Variants in DNMBP observed in about 807,000 individuals in gnomAD.
DNMBP encodes dynamin-binding protein.
In DNMBP, 87 loss-of-function variants were observed where a neutral mutation model predicts 150.0. The observed-to-expected ratio is 0.58, with a 90% CI of 0.49 to 0.69. The LOEUF (loss-of-function observed/expected upper bound fraction) is 0.69, where lower values mean the gene tolerates loss of function less well. Ranked by LOEUF, DNMBP falls within the 30% of genes least tolerant of loss-of-function variation. The pLI is 0.00. For synonymous variants in DNMBP, 711 were observed against 750.4 expected, an observed-to-expected ratio of 0.95 and a Z score of 0.86; for missense variants, 1,774 against 1,949.0, an observed-to-expected ratio of 0.91 and a Z score of 1.69.
intron 1 of DNMBP, among the ~76,000 whole-genome samples, chr10:99,980,446 C>CAAAA (rs35133099): frequency 8.5e-6 from 1 of 118,182 alleles, no homozygotes; most frequent in Non-Finnish European, 1.8e-5. Context: ...GACTCCGTCT[C>CAAAA]AAAAAAAAAA....
At chr10:99,898,616 A>G (rs2039694419) in intron 8 of DNMBP, 127 bp downstream of exon 8, 1 of 1,023,482 alleles carries the variant, frequency 9.8e-7, no homozygotes, top group Non-Finnish European at 1.5e-6. Context: ...GCTACGAAAG[A>G]AAACCCAGCA....
chr10:99,953,924 G>A (rs1391973370), intron 4 of DNMBP, among the ~76,000 whole-genome samples: 1 of 152,138 alleles, frequency 6.6e-6, no homozygotes, highest in Non-Finnish European at 1.5e-5. Context: ...AATGGAGCCT[G>A]ATTAAAGAAA....
At chr10:99,946,139 G>A (rs11190335) in intron 4 of DNMBP, among the ~76,000 whole-genome samples, 47,703 of 151,960 alleles carry the variant, frequency 0.31, 9,176 homozygotes, top group Non-Finnish European at 0.42. Flanking sequence ...TGTATTTTTA[G>A]TAGAGACAGG....
intron 1 of DNMBP, among the ~76,000 whole-genome samples, chr10:99,994,559 C>T (rs1042354389): frequency 5.9e-5 from 9 of 152,108 alleles, no homozygotes; most frequent in African/African-American, 1.9e-4. Flanking sequence ...ACCAGGACAA[C>T]GCAATTGACG....
At chr10:99,941,704 G>A (rs974690584) in intron 4 of DNMBP, among the ~76,000 whole-genome samples, 2 of 152,132 alleles carry the variant, frequency 1.3e-5, no homozygotes, top group African/African-American at 4.8e-5. Context: ...CTGACCTCAG[G>A]TGATCCGCCC....
intron 4 of DNMBP, among the ~76,000 whole-genome samples, chr10:99,951,146 C>T (rs796256964): frequency 5.9e-5 from 9 of 152,362 alleles, no homozygotes; most frequent in African/African-American, 1.9e-4. Flanking sequence ...AGGGTGCAAG[C>T]CCCAAGCCTT....
intron 4 of DNMBP, among the ~76,000 whole-genome samples, chr10:99,918,564 T>G (rs1020606258): frequency 2.1e-4 from 27 of 126,590 alleles, no homozygotes; most frequent in African/African-American, 8.4e-4. Flanking sequence ...ATTACAGGAG[T>G]CTGCAACTTC....
At chr10:99,976,503 C>T (rs528990762) in intron 1 of DNMBP, among the ~76,000 whole-genome samples, 15 of 152,294 alleles carry the variant, frequency 9.8e-5, no homozygotes, top group East Asian at 3.9e-4. Flanking sequence ...AACTTTTCCA[C>T]GCCCTTGCTA....
chr10:99,932,280 C>T (rs2133288954), intron 4 of DNMBP, among the ~76,000 whole-genome samples: 1 of 152,294 alleles, frequency 6.6e-6, no homozygotes, highest in Non-Finnish European at 1.5e-5. Flanking sequence ...TGGGTAACTA[C>T]TAATTCTCTC....
At chr10:99,926,468 G>A (rs1029542708) in intron 4 of DNMBP, among the ~76,000 whole-genome samples, 2 of 152,138 alleles carry the variant, frequency 1.3e-5, no homozygotes, top group African/African-American at 4.8e-5. Flanking sequence ...AAAGCAGGCA[G>A]AATTTGGAGG....
At chr10:99,943,322 T>G (rs1235360518) in intron 4 of DNMBP, among the ~76,000 whole-genome samples, 1 of 152,106 alleles carries the variant, frequency 6.6e-6, no homozygotes, top group Non-Finnish European at 1.5e-5. Context: ...ACAGAATGAT[T>G]TGGCTATTTA....
chr10:99,883,909 A>C, intron 15 of DNMBP, 102 bp downstream of exon 15: 1 of 1,003,496 alleles, frequency 1.0e-6, no homozygotes, highest in Non-Finnish European at 1.5e-6. Context: ...TTAATCAAAG[A>C]TACTTTTTGC....
At chr10:99,964,744 A>G (rs1589441959) in intron 3 of DNMBP, among the ~76,000 whole-genome samples, 1 of 151,614 alleles carries the variant, frequency 6.6e-6, no homozygotes, top group African/African-American at 2.4e-5. Flanking sequence ...GGTGGCACAC[A>G]CCTGTAATCC....
At position 99,879,835 on chromosome 10, in the gene DNMBP, A is replaced by G. The variant is rs2039335082; in HGVS notation, c.4524T>C (p.Asp1508=). The change falls in exon 16 of 17, where the codon GAT becomes GAC. Residue 1508 remains aspartate (D), a synonymous_variant. Coordinates refer to ENST00000324109, the MANE Select transcript of DNMBP (RefSeq NM_015221.4). ...CCTGGTTGCCTTCTGCCTCACTGCC[A>G]TCTGGCTCTGTACTTCTGTCTTCCG... is the stretch of plus-strand genomic sequence containing the variant. ...QAPEDRSTEP[D]GSEAEGNQVY... is the part of the protein sequence containing the mutation. 3 of 1,614,202 alleles carry G rather than the reference A, an allele frequency of 1.9e-6. No individual in the cohort carries two copies. The highest frequency in any genetic ancestry group is 1.7e-6 in the Non-Finnish European group (2 of 1,180,030).
intron 4 of DNMBP, among the ~76,000 whole-genome samples, chr10:99,933,759 C>T (rs2040188292): frequency 6.6e-6 from 1 of 152,156 alleles, no homozygotes; most frequent in African/African-American, 2.4e-5. Flanking sequence ...TTTTTTGAGA[C>T]GGAGTCTCGC....
intron 14 of DNMBP, among the ~76,000 whole-genome samples, chr10:99,884,457 C>G (rs947595919): frequency 1.3e-5 from 2 of 152,060 alleles, no homozygotes; most frequent in African/African-American, 4.8e-5. Flanking sequence ...CATTTGTTTT[C>G]TTGTGACAAA....
chr10:99,880,357 G>T lies in DNMBP; in HGVS notation c.4002C>A (p.Thr1334=). Residue 1334 remains threonine, a synonymous_variant, in exon 16 of 17, where the codon ACC becomes ACA. Coordinates refer to ENST00000324109, the MANE Select transcript of DNMBP (RefSeq NM_015221.4). ...GGAAAGAGCTGTACACGAAGCCTTT[G>T]GTGACTACAAAGGAAACAGGAAATA... ...QNRWLIDNGV[T]KGFVYSSFLK... 1 of 1,583,240 alleles carries T rather than the reference G, an allele frequency of 6.3e-7. No homozygotes were observed.
At chr10:99,966,237 T>C (rs1000900787) in intron 3 of DNMBP, among the ~76,000 whole-genome samples, 2 of 152,196 alleles carry the variant, frequency 1.3e-5, no homozygotes, top group African/African-American at 4.8e-5. Context: ...TTACTGGCAG[T>C]AGATTATCAC....
intron 3 of DNMBP, among the ~76,000 whole-genome samples, chr10:99,961,367 C>T (rs538127111): frequency 4.8e-4 from 66 of 137,330 alleles, no homozygotes; most frequent in Non-Finnish European, 7.0e-4. Context: ...CTTGACCACC[C>T]GGGCTCAACT....
Sources: allele counts gnomAD v4.1 joint callset (sites outside exome capture counted in the v4.1 genomes callset), GRCh38; gene constraint gnomAD v4.1.1; transcripts MANE v1.5; gene names NCBI Gene and HGNC (gene_info 2026-07-23, HGNC 2026-07-21).